MGAT4C: variants seen among roughly 807,000 people sequenced by gnomAD.
MGAT4C encodes alpha-1,3-mannosyl-glycoprotein 4-beta-N-acetylglucosaminyltransferase C.
A neutral mutation model predicts 40.1 loss-of-function variants in MGAT4C; 19 were observed. The observed-to-expected ratio is 0.47, with a 90% confidence interval of 0.33 to 0.70. The LOEUF (loss-of-function observed/expected upper bound fraction) is 0.70. Ranked by LOEUF, MGAT4C falls within the 30% of genes least tolerant of loss-of-function variation. MGAT4C has a pLI of 0.02. For synonymous variants in MGAT4C, 181 were observed against 187.1 expected, an observed-to-expected ratio of 0.97 and a Z score of 0.27; for missense variants, 491 against 563.2, an observed-to-expected ratio of 0.87 and a Z score of 1.30.
intron 1 of MGAT4C, among the ~76,000 whole-genome samples, chr12:86,210,470 T>A (rs966426568): frequency 1.3e-5 from 2 of 152,258 alleles, no homozygotes; most frequent in East Asian, 3.8e-4. Flanking sequence ...TGGTATCATC[T>A]GATATTCACT....
At chr12:86,018,861 C>G (rs1266520611) in intron 2 of MGAT4C, among the ~76,000 whole-genome samples, 1 of 151,978 alleles carries the variant, frequency 6.6e-6, no homozygotes, top group African/African-American at 2.4e-5. Flanking sequence ...GTGGCATTGA[C>G]AGGATTGAGA....
At chr12:86,412,787 A>C (rs1394968460) in intron 3 of MGAT4C, among the ~76,000 whole-genome samples, 1 of 152,144 alleles carries the variant, frequency 6.6e-6, no homozygotes, top group Non-Finnish European at 1.5e-5. Context: ...CAAATTATAC[A>C]GTTTGTATTT....
intron 3 of MGAT4C, among the ~76,000 whole-genome samples, chr12:86,380,394 G>A (rs953512812): frequency 3.9e-5 from 6 of 152,014 alleles, no homozygotes; most frequent in Admixed American, 1.3e-4. Context: ...TTGCCACTTC[G>A]TGGTGTTAAA....
chr12:86,137,120 C>A (rs1461742305), intron 1 of MGAT4C, among the ~76,000 whole-genome samples: 3 of 152,158 alleles, frequency 2.0e-5, no homozygotes, highest in Non-Finnish European at 4.4e-5. Context: ...CCAGAGTCAC[C>A]TTATATACAT....
chr12:86,763,969 G>C (rs1951451308), intron 1 of MGAT4C, among the ~76,000 whole-genome samples: 1 of 152,122 alleles, frequency 6.6e-6, no homozygotes, highest in Non-Finnish European at 1.5e-5. Context: ...ATTTCCATCT[G>C]AGGTACCGGG....
Position 85,961,547 on chromosome 12 carries a change from AT to A in MGAT4C, c.*17741del, listed in dbSNP as rs1883112753. 1 of 151,760 alleles carries A rather than the reference AT, an allele frequency of 6.6e-6. No individual in the cohort carries two copies. The highest frequency in any genetic ancestry group is 2.1e-4 in the South Asian group (1 of 4,824). 9.4% of individuals were successfully genotyped at this position (151,760 alleles called of 1,614,324 possible). On this transcript the variant is annotated 3_prime_UTR_variant, in exon 5 of 5. Transcript: ENST00000611864. ...CATCCTCTACCACATAATTCCTCCT[AT>A]ATTCTCTTTTTCTGACTGTGGCCTA...
chr12:85,987,328 G>A (rs1179351471), intron 3 of MGAT4C, among the ~76,000 whole-genome samples: 3 of 150,836 alleles, frequency 2.0e-5, no homozygotes, highest in African/African-American at 2.4e-5. Flanking sequence ...TAGTAGAGAC[G>A]GGGTTTCACC....
rs976218931 is a variant in MGAT4C at position 86,352,724 on chromosome 12, A to G, written c.-119-18597T>C. On this transcript the variant is annotated intron_variant, in intron 3 of 7. Coordinates refer to the MGAT4C transcript ENST00000548651. The stretch of plus-strand genomic sequence containing the variant: ...AAGTGAAGTTTCTCATATTTTGTAA[A>G]GCTTCCTATCACACACAATATTAAT... 3.9e-5 allele frequency among the ~76,000 whole-genome samples: 6 copies of G among 152,222 alleles called. No homozygotes were observed. In the East Asian group the frequency reaches 1.2e-3, roughly 29 times the overall value.
At chr12:86,617,867 A>G (rs1367147162) in intron 2 of MGAT4C, among the ~76,000 whole-genome samples, 1 of 152,216 alleles carries the variant, frequency 6.6e-6, no homozygotes, top group East Asian at 1.9e-4. Flanking sequence ...TCTGCATAGC[A>G]AATGAAACAA....
intron 1 of MGAT4C, among the ~76,000 whole-genome samples, chr12:86,182,033 A>T (rs1888189736): frequency 6.6e-6 from 1 of 151,726 alleles, no homozygotes; most frequent in Non-Finnish European, 1.5e-5. Context: ...CATTTTGCAT[A>T]ACAATTATAT....
At chr12:86,783,923 C>T (rs1044734527) in intron 1 of MGAT4C, among the ~76,000 whole-genome samples, 2 of 152,004 alleles carry the variant, frequency 1.3e-5, no homozygotes, top group African/African-American at 4.8e-5. Flanking sequence ...CCTTATAATA[C>T]AGAAGGAAAA....
At chr12:86,769,778 C>T (rs1221817038) in intron 1 of MGAT4C, among the ~76,000 whole-genome samples, 1 of 151,976 alleles carries the variant, frequency 6.6e-6, no homozygotes, top group Non-Finnish European at 1.5e-5. Context: ...AAAAACCAAA[C>T]ACCGCATGTT....
intron 3 of MGAT4C, among the ~76,000 whole-genome samples, chr12:86,408,928 A>T (rs1049497101): frequency 3.3e-5 from 5 of 152,086 alleles, no homozygotes; most frequent in Non-Finnish European, 7.4e-5. Context: ...TCAGTCACTC[A>T]ATGACTTTTT....
intron 1 of MGAT4C, among the ~76,000 whole-genome samples, chr12:86,245,837 AT>A (rs949399785): frequency 2.0e-5 from 3 of 152,146 alleles, no homozygotes; most frequent in Admixed American, 6.6e-5. Flanking sequence ...AATTAAAGTG[AT>A]TTTTTTCTAA....
rs1396078626 is a variant in MGAT4C, at chr12:85,970,927, CATAA to C, written c.*8358_*8361del. On this transcript the variant is annotated 3_prime_UTR_variant, in exon 5 of 5. Transcript: ENST00000611864. ...GTGGCTAAAATTGCAAACTTAATCA[CATAA>C]ATAATGAGATTAAAGTTAAAATGAA... 1 of 151,006 alleles carries C rather than the reference CATAA, an allele frequency of 6.6e-6. No homozygotes were observed. Among genetic ancestry groups the C allele is most frequent in the African/African-American group, 2.4e-5 (1 of 41,236 alleles). 9.4% of individuals were successfully genotyped at this position (151,006 alleles called of 1,614,324 possible).
intron 1 of MGAT4C, among the ~76,000 whole-genome samples, chr12:86,766,959 C>A (rs1951521624): frequency 6.6e-6 from 1 of 152,038 alleles, no homozygotes; most frequent in Non-Finnish European, 1.5e-5. Context: ...ATTAAAAGAA[C>A]TAGAAAAGCA....
At chr12:86,273,076 AGT>A (rs1384189518) in intron 4 of MGAT4C, among the ~76,000 whole-genome samples, 1 of 152,196 alleles carries the variant, frequency 6.6e-6, no homozygotes, top group East Asian at 1.9e-4. Context: ...TGGAGATATT[AGT>A]GGTGTAGATA....
At chr12:86,339,980 A>G (rs2136182419) in intron 3 of MGAT4C, among the ~76,000 whole-genome samples, 1 of 152,268 alleles carries the variant, frequency 6.6e-6, no homozygotes, top group Admixed American at 6.5e-5. Context: ...AGATATTGCA[A>G]CTTCTCCTCT....
intron 1 of MGAT4C, among the ~76,000 whole-genome samples, chr12:86,244,989 G>T (rs1327000119): frequency 6.6e-6 from 1 of 152,132 alleles, no homozygotes; most frequent in Admixed American, 6.5e-5. Context: ...CCACTGATGA[G>T]GCAACTGGGG....
Sources: gnomAD v4.1 joint callset for allele counts (sites outside exome capture counted in the v4.1 genomes callset) on GRCh38, gnomAD v4.1.1 for gene constraint, MANE v1.5 for transcripts, NCBI Gene and HGNC (gene_info 2026-07-23, HGNC 2026-07-21) for gene names.